DGCR8: variants seen among roughly 807,000 people sequenced by gnomAD.
The protein encoded by DGCR8 is microprocessor complex subunit DGCR8.
In DGCR8, 14 loss-of-function variants were observed where a neutral mutation model predicts 78.5. The observed-to-expected ratio is 0.18, with a 90% CI of 0.12 to 0.28. The LOEUF (loss-of-function observed/expected upper bound fraction) is 0.28. Among genes scored for constraint, DGCR8 ranks in the 10% least tolerant of loss-of-function variants. The probability of loss-of-function intolerance (pLI) is 1.00; values close to 1 mark genes in which losing one functional copy is unlikely to be tolerated. For synonymous variants in DGCR8, 399 were observed against 402.4 expected, an observed-to-expected ratio of 0.99 and a Z score of 0.10; for missense variants, 702 against 1,022.5, an observed-to-expected ratio of 0.69 and a Z score of 4.28.
Position 20,081,657 on chromosome 22 carries a change from G to A in DGCR8, c.-278+1274G>A, listed in dbSNP as rs144190821. Among the ~76,000 whole-genome samples, 246 of 152,238 alleles carry A rather than the reference G, an allele frequency of 1.6e-3. 4 individuals carry two copies. The highest frequency in any genetic ancestry group is 0.01 in the Middle Eastern group (3 of 292). On this transcript the variant is annotated intron_variant, in intron 1 of 13. Transcript: ENST00000351989. ...TGTCACCCAGCCTCCTGACTTTAAT[G>A]CCAGCTTTCCTTGACATCTTCACAG...
rs930528400 is a variant in DGCR8, at chr22:20,111,673, G to A, written c.*1565G>A. 6 of 226,160 alleles carry A rather than the reference G, an allele frequency of 2.7e-5. No homozygotes were observed. The highest frequency in any genetic ancestry group is 6.5e-5 in the East Asian group (1 of 15,452). 14.0% of individuals were successfully genotyped at this position (226,160 alleles called of 1,614,324 possible). On this transcript the variant is annotated 3_prime_UTR_variant, in exon 14 of 14. Transcript: ENST00000351989. ...CTTGCTGTTCCCAGGCACCACCACA[G>A]CAGGTGCTGCCATACTCTTGTGGTC... is the stretch of plus-strand genomic sequence containing the variant.
At chr22:20,106,390 G>A in intron 10 of DGCR8, 113 bp downstream of exon 10, 1 of 981,192 alleles carries the variant, frequency 1.0e-6, no homozygotes, top group East Asian at 2.5e-5. Context: ...GGTTTCCCTG[G>A]GTACACAGCA....
At chr22:20,100,841 G>A (rs1233077068) in intron 9 of DGCR8, 1 of 984,596 alleles carries the variant, frequency 1.0e-6, no homozygotes, top group African/African-American at 1.7e-5. Context: ...CCTGTCTGGA[G>A]CTAGCGTCAT....
chr22:20,089,929 C>T lies in DGCR8; in HGVS notation c.1024-47C>T, dbSNP rs937310840. 8 of 1,588,580 alleles carry T rather than the reference C, an allele frequency of 5.0e-6. No homozygotes were observed. In the African/African-American group the frequency reaches 1.1e-4, roughly 21 times the overall value. On this transcript the variant is annotated intron_variant, in intron 4 of 13. Coordinates refer to ENST00000351989, the MANE Select transcript of DGCR8 (RefSeq NM_022720.7). The surrounding 1 kb of genome is among the most constrained non-coding windows in gnomAD (Gnocchi z 4.9). The stretch of plus-strand genomic sequence containing the variant: ...CGGTGAAAGGCATCAGAGTTTCAGA[C>T]TCTCGGGTTGTCCTTGTAATCCATA...
chr22:20,098,731 G>A (rs1407603254), intron 9 of DGCR8, among the ~76,000 whole-genome samples: 1 of 152,256 alleles, frequency 6.6e-6, no homozygotes, highest in Admixed American at 6.5e-5. Flanking sequence ...GGAGGATAGC[G>A]ATCTCCATGT....
At chr22:20,091,690 A>T (rs2049563809) in intron 6 of DGCR8, 58 bp downstream of exon 6, 1 of 1,591,666 alleles carries the variant, frequency 6.3e-7, no homozygotes, top group African/African-American at 1.3e-5. Context: ...TTCTAATGTG[A>T]TGTGTTGAGG....
At chr22:20,107,009 TGGC>T in intron 11 of DGCR8, 1 of 575,836 alleles carries the variant, frequency 1.7e-6, no homozygotes, top group South Asian at 2.0e-5. Flanking sequence ...GTGTGCGTCT[TGGC>T]GGGAGGGAGG....
intron 9 of DGCR8, chr22:20,102,197 G>C: frequency 4.7e-6 from 2 of 427,186 alleles, no homozygotes; most frequent in Non-Finnish European, 3.1e-6. Flanking sequence ...TCAAGATGCA[G>C]AACATTTCTG....
chr22:20,104,517 G>A (rs1334174447), intron 9 of DGCR8, among the ~76,000 whole-genome samples: 1 of 152,214 alleles, frequency 6.6e-6, no homozygotes, highest in Non-Finnish European at 1.5e-5. Flanking sequence ...AGCTGTGTGT[G>A]TGTCAGCCAC....
At chr22:20,103,244 A>G (rs2049725780) in intron 9 of DGCR8, among the ~76,000 whole-genome samples, 1 of 152,104 alleles carries the variant, frequency 6.6e-6, no homozygotes, top group Admixed American at 6.5e-5. Flanking sequence ...AATCATAAAC[A>G]TAGTTCATCT....
At chr22:20,102,706 C>A (rs189288401) in intron 9 of DGCR8, among the ~76,000 whole-genome samples, 10 of 152,350 alleles carry the variant, frequency 6.6e-5, no homozygotes, top group African/African-American at 2.4e-4. Flanking sequence ...CCTGATGCCA[C>A]ACTTTCCTGA....
chr22:20,089,543 C>A lies in DGCR8; in HGVS notation c.881-126C>A. 1.9e-6 allele frequency: 2 copies of A among 1,047,826 alleles called. No homozygotes were observed. The highest frequency in any genetic ancestry group is 2.8e-6 in the Non-Finnish European group (2 of 708,406). The allele number at this position is 1,047,826 out of a possible 1,614,324, so 64.9% of individuals were successfully genotyped here. ...CAGTGAGCAAGGCAGAGAGGAATTT[C>A]GATTATCTGTGAAGACCCAGTTAAA... On this transcript the variant is annotated intron_variant, in intron 3 of 13. Transcript: ENST00000351989. This position sits in a 1 kb window ranked among gnomAD's most constrained non-coding sequence, Gnocchi z 4.9.
chr22:20,092,555 C>T (rs1358582235), intron 7 of DGCR8, among the ~76,000 whole-genome samples: 1 of 152,188 alleles, frequency 6.6e-6, no homozygotes, highest in African/African-American at 2.4e-5. Context: ...TGCCCCCAGC[C>T]TCCTGCTGCC....
intron 9 of DGCR8, among the ~76,000 whole-genome samples, chr22:20,096,135 G>C (rs76142013): frequency 5.1e-4 from 78 of 152,240 alleles, no homozygotes; most frequent in Non-Finnish European, 1.0e-3. Context: ...CCATGGCCTG[G>C]GGGTTGGGGA....
rs200970423 is a variant in DGCR8, at chr22:20,091,628, G to A, written c.1500G>A (p.Lys500=). The A allele has an allele frequency of 1.2e-6, 2 of 1,614,170 alleles. No individual in the cohort carries two copies. The highest frequency in any genetic ancestry group is 2.2e-5 in the East Asian group (1 of 44,886). Reference sequence around the variant, plus strand: ...TATCAGTGCAAGATGCACCCACAAAGAAAGGTATAAGCCTCTGCATTTTAA... The same window carrying A: ...TATCAGTGCAAGATGCACCCACAAAAAAAGGTATAAGCCTCTGCATTTTAA... ...ITLSVQDAPT[K]KEFVINPNGK... is the part of the protein sequence containing the mutation. The change falls in exon 6 of 14, where the codon AAG becomes AAA. Residue 500 remains lysine, a synonymous_variant. Transcript: ENST00000351989.
At position 20,085,084 on chromosome 22, in the gene DGCR8, C is replaced by T; in HGVS notation, c.-277-603C>T. 1.2e-5 allele frequency: 12 copies of T among 963,598 alleles called. No homozygotes were observed. Among genetic ancestry groups the T allele is most frequent in the Non-Finnish European group, 1.5e-5 (12 of 810,124 alleles). The allele number at this position is 963,598 out of a possible 1,614,324, so 59.7% of individuals were successfully genotyped here. ...CCCCTCTCCTCCATCGGGAACAGAA[C>T]TATGCTGCCACCTCTGGTGACCTCA... is the stretch of plus-strand genomic sequence containing the variant. On this transcript the variant is annotated intron_variant, in intron 1 of 13. Transcript: ENST00000351989. The surrounding 1 kb of genome is among the most constrained non-coding windows in gnomAD (Gnocchi z 6.2).
chr22:20,094,732 C>T lies in DGCR8; in HGVS notation c.1725C>T (p.Ile575=). The change falls in exon 9 of 14, where the codon ATC becomes ATT. Residue 575 remains isoleucine (I), a synonymous_variant. Transcript: ENST00000351989. ...KNKAARATLE[I]LIPDFVKQTS... is the part of the protein sequence containing the mutation. ...TCATAGCCCGAGCTACACTGGAAAT[C>T]CTCATCCCTGACTTTGTTAAACAGA... 1.2e-6 allele frequency: 2 copies of T among 1,614,166 alleles called. No homozygotes were observed. The highest frequency in any genetic ancestry group is 1.7e-6 in the Non-Finnish European group (2 of 1,180,012).
At position 20,081,224 on chromosome 22, in the gene DGCR8, C is replaced by T. The variant is rs193046763; in HGVS notation, c.-278+841C>T. Among the ~76,000 whole-genome samples, 101 of 152,320 alleles carry T rather than the reference C, an allele frequency of 6.6e-4. 1 individual carries two copies. The East Asian group carries it at 0.017, about 25-fold the overall frequency. On this transcript the variant is annotated intron_variant, in intron 1 of 13. Transcript: ENST00000351989. Reference sequence around the variant, plus strand: ...CGCTGGGTTGGGCGGGAGGCTGCAGCGGGAGAGACTTGACCAAAAGGCAGC... The same window carrying T: ...CGCTGGGTTGGGCGGGAGGCTGCAGTGGGAGAGACTTGACCAAAAGGCAGC...
At chr22:20,083,811 T>C (rs1476882623) in intron 1 of DGCR8, among the ~76,000 whole-genome samples, 2 of 152,172 alleles carry the variant, frequency 1.3e-5, no homozygotes, top group African/African-American at 2.4e-5. Context: ...TGGTCTTTCT[T>C]GGTTGCCAGG....
Sources: gnomAD v4.1 joint callset for allele counts (sites outside exome capture counted in the v4.1 genomes callset) on GRCh38, gnomAD v4.1.1 for gene constraint, Gnocchi (gnomAD v3.1) non-coding constraint, MANE v1.5 for transcripts, NCBI Gene and HGNC (gene_info 2026-07-23, HGNC 2026-07-21) for gene names.